The following PVALB variants were observed in gnomAD, a reference collection of about 807,000 sequenced individuals.
The protein encoded by PVALB is parvalbumin alpha.
In PVALB, 11 loss-of-function variants were observed where a neutral mutation model predicts 10.9. The observed-to-expected ratio is 1.01, with a 90% CI of 0.63 to 1.67. The LOEUF is 1.67. PVALB is among the 40% of genes most tolerant of loss of function. PVALB has a pLI of 0.00. For missense variants in PVALB, 131 were observed against 136.2 expected (o/e 0.96, Z 0.19); for synonymous variants, 57 against 50.7 (o/e 1.12, Z -0.53).
At chr22:36,816,075 A>G (rs931230223) in intron 1 of PVALB, among the ~76,000 whole-genome samples, 2 of 142,980 alleles carry the variant, frequency 1.4e-5, no homozygotes, top group African/African-American at 2.7e-5. Context: ...GTGTGTGTGT[A>G]GGGAATGGCT....
At chr22:36,807,184 G>A (rs1938962940) in intron 3 of PVALB, among the ~76,000 whole-genome samples, 1 of 152,198 alleles carries the variant, frequency 6.6e-6, no homozygotes. Flanking sequence ...GGGAGGGAGT[G>A]GTGGAGTCAG....
intron 2 of PVALB, among the ~76,000 whole-genome samples, chr22:36,814,448 C>T (rs190431281): frequency 6.6e-5 from 10 of 152,276 alleles, no homozygotes; most frequent in South Asian, 2.1e-4. Flanking sequence ...ACCCACCCCC[C>T]GCTTCTCTTT....
chr22:36,806,357 AG>A (rs575684506), intron 3 of PVALB, among the ~76,000 whole-genome samples: 12 of 152,180 alleles, frequency 7.9e-5, no homozygotes, highest in Non-Finnish European at 1.5e-4. Flanking sequence ...TCAGAGGACT[AG>A]AGGATTCTGT....
intron 3 of PVALB, among the ~76,000 whole-genome samples, chr22:36,806,809 T>C (rs1938957177): frequency 6.6e-6 from 1 of 152,096 alleles, no homozygotes; most frequent in African/African-American, 2.4e-5. Flanking sequence ...TTCATTTTGT[T>C]TACAGAGAAA....
intron 3 of PVALB, chr22:36,811,448 C>G: frequency 4.3e-6 from 2 of 470,580 alleles, no homozygotes; most frequent in South Asian, 3.1e-5. Flanking sequence ...GGCACCCAGT[C>G]AGGAAATGGG....
chr22:36,800,959 G>C (rs771074014), intron 3 of PVALB, 41 bp from the exon 4 acceptor site: 2 of 1,584,322 alleles, frequency 1.3e-6, no homozygotes, highest in East Asian at 4.5e-5. Flanking sequence ...CAGAGGCGGG[G>C]ATGCAAGAGA....
chr22:36,814,537 G>A (rs1939104906), intron 2 of PVALB, among the ~76,000 whole-genome samples: 1 of 152,054 alleles, frequency 6.6e-6, no homozygotes, highest in African/African-American at 2.4e-5. Context: ...GGTGGCTGAG[G>A]GAATTATGGT....
chr22:36,816,810 A>ACCTCGC lies in PVALB; in HGVS notation c.61+129_61+134dup, dbSNP rs1435557746. ...AACTGCCAAGGACGCCCCCGCCCCGACCTCGCCGGCGCCCAGCGGGAAGTG... is the reference window on the plus strand; with the variant it reads ...AACTGCCAAGGACGCCCCCGCCCCGACCTCGCCCTCGCCGGCGCCCAGCGGGAAGTG... On this transcript the variant is annotated intron_variant, in intron 1 of 3. Transcript: ENST00000417718. The ACCTCGC allele has an allele frequency of 5.8e-6, 4 of 693,640 alleles. No homozygotes were observed. In the African/African-American group the frequency reaches 7.7e-5, roughly 13 times the overall value. 43.0% of individuals were successfully genotyped at this position (693,640 alleles called of 1,614,324 possible). A position where few individuals can be genotyped will look rare whatever the true frequency, so the allele number is the denominator to read the frequency against.
chr22:36,812,734 T>C (rs907885927), intron 3 of PVALB, among the ~76,000 whole-genome samples: 1 of 152,214 alleles, frequency 6.6e-6, no homozygotes, highest in South Asian at 2.1e-4. Flanking sequence ...GAAAAGCCTA[T>C]TATGGGAACA....
intron 2 of PVALB, 27 bp from the exon 3 acceptor site, chr22:36,813,782 T>C (rs1434647797): frequency 1.9e-6 from 3 of 1,573,448 alleles, no homozygotes; most frequent in Non-Finnish European, 2.6e-6. Context: ...AGAAAGCCGG[T>C]GAGGGAGTCA....
At chr22:36,813,134 T>C (rs1399876373) in intron 3 of PVALB, among the ~76,000 whole-genome samples, 1 of 152,164 alleles carries the variant, frequency 6.6e-6, no homozygotes, top group Non-Finnish European at 1.5e-5. Flanking sequence ...GTTTTGAGAC[T>C]TGGGGTTACA....
chr22:36,814,621 AC>A (rs1939106898), intron 2 of PVALB, among the ~76,000 whole-genome samples: 1 of 151,810 alleles, frequency 6.6e-6, no homozygotes. Flanking sequence ...TTCTCCAAGG[AC>A]CCCTGGACTC....
chr22:36,801,067 A>C, intron 3 of PVALB, 149 bp from the exon 4 acceptor site: 1 of 696,288 alleles, frequency 1.4e-6, no homozygotes, highest in Non-Finnish European at 2.5e-6. Context: ...AAATGAATGA[A>C]TGAATAAATG....
chr22:36,810,001 C>T (rs1939021304), intron 3 of PVALB, among the ~76,000 whole-genome samples: 1 of 152,106 alleles, frequency 6.6e-6, no homozygotes, highest in South Asian at 2.1e-4. Flanking sequence ...TCTCCTGCCT[C>T]AGCCTCTTGA....
Position 36,800,856 on chromosome 22 carries a change from A to C in PVALB, c.*34T>G. 1 of 1,586,576 alleles carries C rather than the reference A, an allele frequency of 6.3e-7. No individual in the cohort carries two copies. The highest frequency in any genetic ancestry group is 8.7e-7 in the Non-Finnish European group (1 of 1,154,892). ...GGGGCCGAGATTGGGTGTTCAGGGC[A>C]GAGAGGTGGAAGACCAGGGGCAGTC... On this transcript the variant is annotated 3_prime_UTR_variant, in exon 4 of 4. Transcript: ENST00000417718.
At chr22:36,812,304 T>C (rs1446089382) in intron 3 of PVALB, among the ~76,000 whole-genome samples, 2 of 152,148 alleles carry the variant, frequency 1.3e-5, no homozygotes, top group African/African-American at 4.8e-5. Context: ...GCACCTGCTC[T>C]GTGTGGGGTA....
At chr22:36,804,532 C>A (rs1938921334) in intron 3 of PVALB, among the ~76,000 whole-genome samples, 1 of 152,192 alleles carries the variant, frequency 6.6e-6, no homozygotes, top group African/African-American at 2.4e-5. Flanking sequence ...CCACCCCTTC[C>A]GTGCCTTTCC....
chr22:36,818,416 T>G (rs1939184480), upstream of PVALB: 1 of 152,322 alleles, frequency 6.6e-6, no homozygotes, highest in Non-Finnish European at 1.5e-5. Flanking sequence ...CTGGAAACCT[T>G]AGGATACCTC....
At chr22:36,803,565 A>G (rs1394261220) in intron 3 of PVALB, among the ~76,000 whole-genome samples, 1 of 149,970 alleles carries the variant, frequency 6.7e-6, no homozygotes, top group African/African-American at 2.5e-5. Flanking sequence ...GATGGGGGGT[A>G]GATGGATGGA....
Sources: gnomAD v4.1 joint callset for allele counts (sites outside exome capture counted in the v4.1 genomes callset) on GRCh38, gnomAD v4.1.1 for gene constraint, MANE v1.5 for transcripts, NCBI Gene and HGNC (gene_info 2026-07-23, HGNC 2026-07-21) for gene names.